Variants in CHST4 observed in about 807,000 individuals in gnomAD.
CHST4 encodes GST-3.
For missense variants in CHST4, 466 were observed against 506.0 expected (o/e 0.92, Z 0.76); for synonymous variants, 171 against 195.5 (o/e 0.87, Z 1.05).
chr16:71,535,190 G>T (rs1471761266), intron 1 of CHST4, among the ~76,000 whole-genome samples: 4 of 151,894 alleles, frequency 2.6e-5, no homozygotes, highest in Middle Eastern at 3.2e-3. Flanking sequence ...GGGTTTTTTT[G>T]GAGATGGAGT....
At chr16:71,529,107 G>GTT (rs397717246) in intron 1 of CHST4, among the ~76,000 whole-genome samples, 9 of 136,100 alleles carry the variant, frequency 6.6e-5, no homozygotes, top group African/African-American at 1.3e-4. Flanking sequence ...TTTGTTTTTT[G>GTT]TTTTTTTTTT....
intron 1 of CHST4, among the ~76,000 whole-genome samples, chr16:71,530,247 T>TTTTTGC (rs2043938077): frequency 6.6e-6 from 1 of 151,886 alleles, no homozygotes; most frequent in African/African-American, 2.4e-5. Flanking sequence ...CTTGAAGGAA[T>TTTTTGC]AGTAGCTGTC....
intron 1 of CHST4, among the ~76,000 whole-genome samples, chr16:71,530,741 T>C (rs546334831): frequency 6.3e-4 from 95 of 151,398 alleles, no homozygotes; most frequent in Non-Finnish European, 1.1e-3. Context: ...GCCACTGTAC[T>C]CCACCCTGGG....
At chr16:71,532,325 A>G (rs1015890127) in intron 1 of CHST4, among the ~76,000 whole-genome samples, 2 of 151,816 alleles carry the variant, frequency 1.3e-5, no homozygotes, top group African/African-American at 4.8e-5. Context: ...GGGATTACAG[A>G]CGTGAGCCAC....
intron 1 of CHST4, among the ~76,000 whole-genome samples, chr16:71,529,244 T>C (rs952206169): frequency 2.6e-5 from 4 of 152,058 alleles, no homozygotes; most frequent in African/African-American, 9.7e-5. Flanking sequence ...AGAAAAATAA[T>C]TTCCCTCCTG....
At chr16:71,526,559 G>A (rs1343657604) in intron 1 of CHST4, 64 bp downstream of exon 1, 1 of 152,240 alleles carries the variant, frequency 6.6e-6, no homozygotes, top group East Asian at 1.9e-4. Context: ...GCTGGAGCAA[G>A]AGTATCAGAT....
chr16:71,534,612 C>A (rs1370545720), intron 1 of CHST4, among the ~76,000 whole-genome samples: 1 of 152,010 alleles, frequency 6.6e-6, no homozygotes, highest in Non-Finnish European at 1.5e-5. Flanking sequence ...CCCGCCTCGG[C>A]CTCCAAAAGT....
intron 1 of CHST4, among the ~76,000 whole-genome samples, chr16:71,526,922 A>G (rs1312891492): frequency 6.6e-6 from 1 of 152,220 alleles, no homozygotes; most frequent in East Asian, 1.9e-4. Context: ...GGAGAGGGAC[A>G]GTGTGATCAT....
At chr16:71,530,801 C>A (rs2043942937) in intron 1 of CHST4, among the ~76,000 whole-genome samples, 1 of 151,806 alleles carries the variant, frequency 6.6e-6, no homozygotes, top group African/African-American at 2.4e-5. Context: ...AGATTTTGGG[C>A]CAGGCGTGGT....
At chr16:71,527,944 C>T (rs899157333) in intron 1 of CHST4, among the ~76,000 whole-genome samples, 23 of 151,890 alleles carry the variant, frequency 1.5e-4, no homozygotes, top group Admixed American at 5.9e-4. Context: ...ATGTTAGATC[C>T]CCACTTCTTG....
At chr16:71,535,927 C>T (rs2043984301) in intron 1 of CHST4, among the ~76,000 whole-genome samples, 1 of 152,104 alleles carries the variant, frequency 6.6e-6, no homozygotes, top group African/African-American at 2.4e-5. Flanking sequence ...GAGAAATGGG[C>T]AGGTGAGGTC....
At chr16:71,526,868 T>C (rs2145199521) in intron 1 of CHST4, among the ~76,000 whole-genome samples, 1 of 151,944 alleles carries the variant, frequency 6.6e-6, no homozygotes, top group Non-Finnish European at 1.5e-5. Context: ...TGCTGGGGAG[T>C]GGAAGACAGG....
At chr16:71,534,348 C>CTTTTTTTTTTT (rs548597955) in intron 1 of CHST4, among the ~76,000 whole-genome samples, 5 of 123,396 alleles carry the variant, frequency 4.1e-5, no homozygotes, top group African/African-American at 6.2e-5. Context: ...ACATTTCTTT[C>CTTTTTTTTTTT]TTTTTTTTTT....
intron 1 of CHST4, among the ~76,000 whole-genome samples, chr16:71,528,249 CAAAAAAAA>C (rs10716662): frequency 6.4e-5 from 7 of 109,294 alleles, no homozygotes; most frequent in East Asian, 6.9e-4. Context: ...GACTTCATTT[CAAAAAAAA>C]AAAAAAAAAA....
At chr16:71,531,143 G>T (rs997550019) in intron 1 of CHST4, among the ~76,000 whole-genome samples, 1 of 152,186 alleles carries the variant, frequency 6.6e-6, no homozygotes, top group African/African-American at 2.4e-5. Context: ...AGAGACAGAA[G>T]AGAAAGGTCG....
Position 71,537,920 on chromosome 16 carries a change from T to C in CHST4, c.*82T>C. The C allele has an allele frequency of 7.7e-7, 1 of 1,306,930 alleles. No individual in the cohort carries two copies. Among genetic ancestry groups the C allele is most frequent in the Non-Finnish European group, 1.1e-6 (1 of 939,586 alleles). 81.0% of individuals were successfully genotyped at this position (1,306,930 alleles called of 1,614,324 possible). A position where few individuals can be genotyped will look rare whatever the true frequency, so the allele number is the denominator to read the frequency against. Reference sequence around the variant, plus strand: ...TGCTTCTGAGCCTTGCCTACATCTCTGAGCCTTAACTACATGTCTGTGGGT... The same window carrying C: ...TGCTTCTGAGCCTTGCCTACATCTCCGAGCCTTAACTACATGTCTGTGGGT... On this transcript the variant is annotated 3_prime_UTR_variant, in exon 2 of 2. Coordinates refer to ENST00000539698, the MANE Select transcript of CHST4 (RefSeq NM_001166395.2). The surrounding 1 kb of genome is among the most constrained non-coding windows in gnomAD (Gnocchi z 4.2).
In CHST4 at chr16:71,537,286, G is replaced by C. The variant is rs768077369; in HGVS notation, c.609G>C (p.Leu203=). ...DPSLNLHIVH[L]VRDPRAVFRS... is the part of the protein sequence containing the mutation. ...CCCTCAACCTGCATATCGTGCACCT[G>C]GTCCGGGACCCCCGGGCCGTGTTCC... is the stretch of plus-strand genomic sequence containing the variant. Residue 203 remains leucine, a synonymous_variant, in exon 2 of 2, where the codon CTG becomes CTC. Transcript: ENST00000539698. This position sits in a 1 kb window ranked among gnomAD's most constrained non-coding sequence, Gnocchi z 4.2. 1.2e-6 allele frequency: 2 copies of C among 1,614,142 alleles called. No homozygotes were observed. Among genetic ancestry groups the C allele is most frequent in the Admixed American group, 1.7e-5 (1 of 60,016 alleles).
chr16:71,526,672 G>A (rs947916105), intron 1 of CHST4, among the ~76,000 whole-genome samples, 177 bp downstream of exon 1: 1 of 152,156 alleles, frequency 6.6e-6, no homozygotes, highest in Non-Finnish European at 1.5e-5. Context: ...TAAAACACAA[G>A]CTGCTTACCA....
intron 1 of CHST4, among the ~76,000 whole-genome samples, chr16:71,527,550 C>T (rs375670080): frequency 2.8e-4 from 43 of 152,212 alleles, no homozygotes; most frequent in African/African-American, 1.0e-3. Flanking sequence ...AGTTCAAGAC[C>T]AGCCCGGCCA....
Sources: allele counts gnomAD v4.1 joint callset (sites outside exome capture counted in the v4.1 genomes callset), GRCh38; gene constraint gnomAD v4.1.1; non-coding constraint Gnocchi (gnomAD v3.1); transcripts MANE v1.5; gene names NCBI Gene and HGNC (gene_info 2026-07-23, HGNC 2026-07-21).